Variants in PDLIM5 observed in about 807,000 individuals in gnomAD.
The protein encoded by PDLIM5 is PDZ and LIM domain 5.
In PDLIM5, 34 loss-of-function variants were observed where a neutral mutation model predicts 64.2. That is an observed-to-expected ratio of 0.53 (90% confidence interval 0.40 to 0.71). The LOEUF (loss-of-function observed/expected upper bound fraction) is 0.71. Among genes scored for constraint, PDLIM5 ranks in the 30% least tolerant of loss-of-function variants. PDLIM5 has a pLI of 0.00. For synonymous variants in PDLIM5, 253 were observed against 269.1 expected, an observed-to-expected ratio of 0.94 and a Z score of 0.59; for missense variants, 683 against 733.6, an observed-to-expected ratio of 0.93 and a Z score of 0.80.
At chr4:94,526,205 T>G (rs890763487) in intron 3 of PDLIM5, among the ~76,000 whole-genome samples, 1 of 152,212 alleles carries the variant, frequency 6.6e-6, no homozygotes, top group Non-Finnish European at 1.5e-5. Context: ...ACCAGAATCT[T>G]ATTTTCTATT....
At chr4:94,511,106 T>G (rs2110104389) in intron 2 of PDLIM5, among the ~76,000 whole-genome samples, 1 of 152,324 alleles carries the variant, frequency 6.6e-6, no homozygotes, top group Non-Finnish European at 1.5e-5. Context: ...GCCAGAGATA[T>G]AATTGGCTTG....
chr4:94,564,985 C>T (rs1021102808), intron 3 of PDLIM5, among the ~76,000 whole-genome samples: 4 of 152,114 alleles, frequency 2.6e-5, no homozygotes, highest in African/African-American at 9.7e-5. Context: ...CATTGCCCCA[C>T]CTCCTACAAC....
chr4:94,510,398 T>A (rs1041675407), intron 2 of PDLIM5, among the ~76,000 whole-genome samples: 2 of 152,208 alleles, frequency 1.3e-5, no homozygotes, highest in Non-Finnish European at 2.9e-5. Flanking sequence ...CATCCTAGAT[T>A]TTTTTTGTCT....
chr4:94,559,295 C>A (rs1733634577), intron 3 of PDLIM5, among the ~76,000 whole-genome samples: 1 of 152,074 alleles, frequency 6.6e-6, no homozygotes, highest in South Asian at 2.1e-4. Context: ...ATTATATGAA[C>A]CAGACCTTCT....
At chr4:94,507,870 A>G (rs1318137664) in intron 2 of PDLIM5, among the ~76,000 whole-genome samples, 1 of 152,148 alleles carries the variant, frequency 6.6e-6, no homozygotes, top group Admixed American at 6.5e-5. Context: ...CTGGAGAAAT[A>G]CTCTGCCAGG....
chr4:94,498,652 C>T (rs961596620), intron 2 of PDLIM5, among the ~76,000 whole-genome samples: 5 of 152,146 alleles, frequency 3.3e-5, no homozygotes, highest in African/African-American at 4.8e-5. Flanking sequence ...CTCTTTGATG[C>T]TTAATGGATG....
At position 94,486,385 on chromosome 4, in the gene PDLIM5, G is replaced by GT. The variant is rs200599854; in HGVS notation, c.96+31002dup. 5.3e-3 allele frequency among the ~76,000 whole-genome samples: 807 copies of GT among 152,284 alleles called. 2 individuals are homozygous for GT. The highest frequency in any genetic ancestry group is 0.015 in the African/African-American group (628 of 41,544). ...GTAGGATACATTGAAATATTAGACT[G>GT]TAAGTGAGCTCTGTAGACCAAAATG... is the stretch of plus-strand genomic sequence containing the variant. On this transcript the variant is annotated intron_variant, in intron 2 of 12. Transcript: ENST00000317968.
At chr4:94,486,511 T>A (rs1726352452) in intron 2 of PDLIM5, among the ~76,000 whole-genome samples, 8 of 152,180 alleles carry the variant, frequency 5.3e-5, no homozygotes, top group Admixed American at 5.2e-4. Context: ...AGTACTGTAC[T>A]TTTTTGAGGG....
At chr4:94,641,518 A>G (rs559561347) in intron 9 of PDLIM5, among the ~76,000 whole-genome samples, 43 of 152,312 alleles carry the variant, frequency 2.8e-4, no homozygotes, top group Admixed American at 6.5e-4. Context: ...AAGGTAGTCA[A>G]TGTTCATTGT....
At chr4:94,513,739 A>G (rs1729103564) in intron 2 of PDLIM5, among the ~76,000 whole-genome samples, 1 of 152,140 alleles carries the variant, frequency 6.6e-6, no homozygotes, top group Non-Finnish European at 1.5e-5. Context: ...TGATTGTTCT[A>G]GCTAGGACTT....
At chr4:94,508,760 T>C (rs192949942) in intron 2 of PDLIM5, among the ~76,000 whole-genome samples, 8 of 152,352 alleles carry the variant, frequency 5.3e-5, no homozygotes, top group African/African-American at 1.9e-4. Flanking sequence ...TATCATCCTA[T>C]ACTGTGCTCT....
intron 2 of PDLIM5, among the ~76,000 whole-genome samples, chr4:94,510,280 G>A (rs1480869651): frequency 6.6e-6 from 1 of 152,074 alleles, no homozygotes; most frequent in East Asian, 1.9e-4. Context: ...GTGGTTTTAG[G>A]TTTTTGAGAA....
chr4:94,478,293 A>G (rs975889056), intron 2 of PDLIM5, among the ~76,000 whole-genome samples: 3 of 151,334 alleles, frequency 2.0e-5, no homozygotes, highest in Non-Finnish European at 2.9e-5. Flanking sequence ...ATTAATATAT[A>G]TATAATGCAA....
chr4:94,569,667 G>A (rs1000028354), intron 3 of PDLIM5, among the ~76,000 whole-genome samples: 1 of 152,118 alleles, frequency 6.6e-6, no homozygotes, highest in Non-Finnish European at 1.5e-5. Context: ...TAAAATGAGA[G>A]AATGACACCT....
intron 7 of PDLIM5, among the ~76,000 whole-genome samples, chr4:94,589,885 C>G (rs973448606): frequency 2.6e-5 from 4 of 151,984 alleles, no homozygotes; most frequent in Non-Finnish European, 4.4e-5. Context: ...AGTGATTCTC[C>G]TGCCTCAGCC....
chr4:94,540,340 G>A lies in PDLIM5; in HGVS notation c.248+16465G>A, dbSNP rs549293717. Among the ~76,000 whole-genome samples, 5 of 152,208 alleles carry A rather than the reference G, an allele frequency of 3.3e-5. No individual in the cohort carries two copies. In the East Asian group the frequency reaches 9.7e-4, roughly 29 times the overall value. On this transcript the variant is annotated intron_variant, in intron 3 of 12. Coordinates refer to ENST00000317968, the MANE Select transcript of PDLIM5 (RefSeq NM_006457.5). ...TCACTGTGTTAGCCAGGATGGTCTCGATCTCCTGACCTCGTGATCCGCCCG... is the reference window on the plus strand; with the variant it reads ...TCACTGTGTTAGCCAGGATGGTCTCAATCTCCTGACCTCGTGATCCGCCCG...
At chr4:94,601,339 T>C (rs1379332190) in intron 7 of PDLIM5, among the ~76,000 whole-genome samples, 2 of 152,192 alleles carry the variant, frequency 1.3e-5, no homozygotes, top group South Asian at 2.1e-4. Context: ...TCTGCCTGTG[T>C]GACCTAATCA....
intron 3 of PDLIM5, among the ~76,000 whole-genome samples, chr4:94,535,176 A>G (rs1036953253): frequency 3.9e-5 from 6 of 152,152 alleles, no homozygotes; most frequent in African/African-American, 1.4e-4. Context: ...TGAAATAGAA[A>G]GCAGGAGAAA....
At chr4:94,492,445 G>A (rs894497826) in intron 2 of PDLIM5, among the ~76,000 whole-genome samples, 6 of 151,916 alleles carry the variant, frequency 3.9e-5, no homozygotes, top group African/African-American at 9.7e-5. Flanking sequence ...TGTATAATTC[G>A]GTGGCATTTT....
Sources: allele counts gnomAD v4.1 joint callset (sites outside exome capture counted in the v4.1 genomes callset), GRCh38; gene constraint gnomAD v4.1.1; transcripts MANE v1.5; gene names NCBI Gene and HGNC (gene_info 2026-07-23, HGNC 2026-07-21).